GAD2: variants seen among roughly 807,000 people sequenced by gnomAD.
GAD2 encodes the protein glutamate decarboxylase 2.
GAD2 carries 22 observed loss-of-function variants against 80.1 expected under a neutral mutation model. That is an observed-to-expected ratio of 0.27 (90% CI 0.20 to 0.39). GAD2 has a LOEUF of 0.39. Ranked by LOEUF, GAD2 falls within the 10% of genes least tolerant of loss-of-function variation. GAD2 has a pLI of 1.00. For missense variants in GAD2, 624 were observed against 738.4 expected (o/e 0.85, Z 1.80); for synonymous variants, 274 against 256.9 (o/e 1.07, Z -0.64).
intron 15 of GAD2, among the ~76,000 whole-genome samples, chr10:26,299,489 A>G (rs1834307437): frequency 6.6e-6 from 1 of 152,218 alleles, no homozygotes; most frequent in Non-Finnish European, 1.5e-5. Flanking sequence ...ATATGTGGAT[A>G]GACTGTATGT....
rs1353402536 is a variant in GAD2, at chr10:26,216,962, A to G, written c.76+77A>G. 1.5e-6 allele frequency: 2 copies of G among 1,332,522 alleles called. No homozygotes were observed. The highest frequency in any genetic ancestry group is 1.9e-5 in the Admixed American group (1 of 51,680). The allele number at this position is 1,332,522 out of a possible 1,614,324, so 82.5% of individuals were successfully genotyped here. ...GTTTGCGGAACTACGGAGAAGACGA[A>G]GGAGGTTTTTCCACCTGCAACAGGA... On this transcript the variant is annotated intron_variant, in intron 1 of 15. Transcript: ENST00000376261. The surrounding 1 kb of genome is among the most constrained non-coding windows in gnomAD (Gnocchi z 4.7).
At position 26,223,970 on chromosome 10, in the gene GAD2, A is replaced by G. The variant is rs759757632; in HGVS notation, c.604A>G (p.Thr202Ala). Residue 202 changes from threonine to alanine, a missense_variant, in exon 5 of 16, where the codon ACT (threonine) becomes GCT (alanine). By Grantham distance (58) the Thr-to-Ala change is moderately conservative. Coordinates refer to ENST00000376261, the MANE Select transcript of GAD2 (RefSeq NM_001134366.2). ...AADWLTSTAN[T>A]NMFTYEIAPV... Reference sequence around the variant, plus strand: ...AGACTGGCTGACATCAACAGCAAATACTAACATGTAAGTAGCCAAATGTGT... The same window carrying G: ...AGACTGGCTGACATCAACAGCAAATGCTAACATGTAAGTAGCCAAATGTGT... 4 of 1,607,014 alleles carry G rather than the reference A, an allele frequency of 2.5e-6. No homozygotes were observed. The South Asian group carries it at 4.4e-5, about 18-fold the overall frequency.
upstream of GAD2, chr10:26,216,500 C>G (rs1027203380): frequency 2.1e-5 from 5 of 240,174 alleles, no homozygotes; most frequent in Non-Finnish European, 3.9e-5. This position sits in a 1 kb window ranked among gnomAD's most constrained non-coding sequence, Gnocchi z 4.7. Context: ...CTCAAATGCT[C>G]TGGGGCTCTC....
chr10:26,264,401 C>T (rs372028568), intron 8 of GAD2, among the ~76,000 whole-genome samples: 6 of 150,440 alleles, frequency 4.0e-5, no homozygotes, highest in African/African-American at 1.2e-4. Flanking sequence ...GCTCTGCCTT[C>T]GTGTTCAGAC....
chr10:26,245,134 CAA>C (rs1844788723), intron 7 of GAD2, among the ~76,000 whole-genome samples: 2 of 105,008 alleles, frequency 1.9e-5, no homozygotes, highest in Admixed American at 2.6e-4. Context: ...GCCTGGGCGA[CAA>C]GAGCAAAACT....
intron 11 of GAD2, among the ~76,000 whole-genome samples, chr10:26,280,755 A>G (rs984869605): frequency 2.0e-5 from 3 of 152,132 alleles, no homozygotes; most frequent in Non-Finnish European, 2.9e-5. Context: ...AAAATTACCT[A>G]TTGAGTACAG....
At chr10:26,262,843 C>G (rs1333287857) in intron 8 of GAD2, among the ~76,000 whole-genome samples, 1 of 148,322 alleles carries the variant, frequency 6.7e-6, no homozygotes, top group Admixed American at 6.7e-5. Context: ...AACCTTTTAT[C>G]ATAATCCTTT....
At chr10:26,282,997 G>T in intron 12 of GAD2, among the ~76,000 whole-genome samples, 1 of 152,278 alleles carries the variant, frequency 6.6e-6, no homozygotes, top group East Asian at 1.9e-4. Context: ...TTACTTCAAA[G>T]GAGAAAATAA....
chr10:26,241,078 T>G (rs1844736927), intron 7 of GAD2, among the ~76,000 whole-genome samples: 1 of 152,000 alleles, frequency 6.6e-6, no homozygotes, highest in South Asian at 2.1e-4. Context: ...AGAGAAATTA[T>G]TCTTCCATCA....
At chr10:26,229,435 G>T (rs911271186) in intron 6 of GAD2, among the ~76,000 whole-genome samples, 2 of 152,152 alleles carry the variant, frequency 1.3e-5, no homozygotes, top group African/African-American at 2.4e-5. Context: ...AGAATCCACT[G>T]CAGTTCCCCT....
chr10:26,272,185 G>A (rs1193780206), intron 10 of GAD2, among the ~76,000 whole-genome samples: 1 of 152,166 alleles, frequency 6.6e-6, no homozygotes, highest in Non-Finnish European at 1.5e-5. Context: ...TTCACAGTGT[G>A]AGTCGTTCAT....
intron 8 of GAD2, among the ~76,000 whole-genome samples, chr10:26,253,286 T>C (rs1010665645): frequency 6.6e-6 from 1 of 152,208 alleles, no homozygotes; most frequent in Non-Finnish European, 1.5e-5. Context: ...ATTTCATAAG[T>C]TACAGCTTGA....
At chr10:26,270,939 C>T (rs956536816) in intron 10 of GAD2, among the ~76,000 whole-genome samples, 183 bp downstream of exon 10, 1 of 152,112 alleles carries the variant, frequency 6.6e-6, no homozygotes, top group African/African-American at 2.4e-5. Context: ...ACACCGTGCA[C>T]CAGAAGCATC....
intron 8 of GAD2, among the ~76,000 whole-genome samples, chr10:26,259,711 A>G (rs1844987047): frequency 6.6e-6 from 1 of 152,084 alleles, no homozygotes; most frequent in South Asian, 2.1e-4. Flanking sequence ...AATGCTCATG[A>G]AGTCAAATTT....
intron 4 of GAD2, among the ~76,000 whole-genome samples, chr10:26,223,620 G>T (rs1304453426): frequency 6.6e-6 from 1 of 151,946 alleles, no homozygotes; most frequent in Non-Finnish European, 1.5e-5. Flanking sequence ...AGGAAGATTT[G>T]TAGGGTATGT....
chr10:26,274,844 C>T (rs140233476), intron 11 of GAD2, among the ~76,000 whole-genome samples: 3 of 152,340 alleles, frequency 2.0e-5, no homozygotes, highest in East Asian at 3.9e-4. Flanking sequence ...AGTTGGGATA[C>T]ACCAGCTAAG....
At chr10:26,222,647 G>A (rs559003459) in intron 4 of GAD2, among the ~76,000 whole-genome samples, 1 of 152,316 alleles carries the variant, frequency 6.6e-6, no homozygotes, top group African/African-American at 2.4e-5. Flanking sequence ...CAATGCTGGA[G>A]AATGTACAAT....
At chr10:26,226,542 G>A (rs768643457) in intron 6 of GAD2, among the ~76,000 whole-genome samples, 3 of 152,188 alleles carry the variant, frequency 2.0e-5, no homozygotes, top group South Asian at 2.1e-4. Context: ...CATCACAGAC[G>A]AGAAGTGGCT....
chr10:26,223,147 A>G (rs1844474624), intron 4 of GAD2, among the ~76,000 whole-genome samples: 1 of 152,204 alleles, frequency 6.6e-6, no homozygotes, highest in African/African-American at 2.4e-5. Context: ...TCGATTGAGT[A>G]TATCTTTCTG....
Sources: allele counts gnomAD v4.1 joint callset (sites outside exome capture counted in the v4.1 genomes callset), GRCh38; gene constraint gnomAD v4.1.1; non-coding constraint Gnocchi (gnomAD v3.1); transcripts MANE v1.5; gene names NCBI Gene and HGNC (gene_info 2026-07-23, HGNC 2026-07-21).